Variants in ZC2HC1B observed in about 807,000 individuals in gnomAD.
ZC2HC1B encodes zinc finger C2HC domain-containing protein 1B.
In ZC2HC1B, 36 loss-of-function variants were observed where a neutral mutation model predicts 31.0. The ratio of observed to expected loss-of-function variants is 1.16; its 90% CI spans 0.89 to 1.54. The LOEUF is 1.54. ZC2HC1B is among the 40% of genes most tolerant of loss of function. The probability of loss-of-function intolerance (pLI) is 0.00; values close to 1 mark genes in which losing one functional copy is unlikely to be tolerated. For synonymous variants in ZC2HC1B, 73 were observed against 88.0 expected, an observed-to-expected ratio of 0.83 and a Z score of 0.95; for missense variants, 260 against 268.6, an observed-to-expected ratio of 0.97 and a Z score of 0.22.
rs1471167623 is a variant in ZC2HC1B at position 143,866,746 on chromosome 6, T to G, written c.28+2179T>G. On this transcript the variant is annotated intron_variant, in intron 1 of 7. Coordinates refer to ENST00000237275, the MANE Select transcript of ZC2HC1B (RefSeq NM_001013623.3). ...CATTGGTATGCTTTATCAGTCTTGT[T>G]CCAGTTAAAGGGCAGAGAAGGTAGA... Among the ~76,000 whole-genome samples the G allele has an allele frequency of 2.0e-5, 3 of 152,250 alleles. No homozygotes were observed. The East Asian group carries it at 5.8e-4, about 29-fold the overall frequency.
rs1213853929 is a variant in ZC2HC1B, at chr6:143,871,021, TA to T, written c.28+6455del. On this transcript the variant is annotated intron_variant, in intron 1 of 7. Transcript: ENST00000237275. The surrounding 1 kb of genome is among the most constrained non-coding windows in gnomAD (Gnocchi z 4.1). ...GCCTCCAAAATCCAAATAGATCCAC[TA>T]GACATTGTGCCTCTTTCTTGGTGGT... 6.6e-6 allele frequency among the ~76,000 whole-genome samples: 1 copy of T among 152,022 alleles called. No individual in the cohort carries two copies. Among genetic ancestry groups the T allele is most frequent in the Non-Finnish European group, 1.5e-5 (1 of 67,994 alleles).
At chr6:143,896,196 C>A (rs553516387) in intron 4 of ZC2HC1B, among the ~76,000 whole-genome samples, 3 of 152,124 alleles carry the variant, frequency 2.0e-5, no homozygotes, top group African/African-American at 7.2e-5. Context: ...TGTCTGTTTG[C>A]CTAATCATCT....
At chr6:143,874,680 C>G (rs182666274) in intron 1 of ZC2HC1B, among the ~76,000 whole-genome samples, 1 of 152,270 alleles carries the variant, frequency 6.6e-6, no homozygotes, top group East Asian at 1.9e-4. Context: ...CATTTACTAT[C>G]ACAAGAACAG....
intron 1 of ZC2HC1B, among the ~76,000 whole-genome samples, chr6:143,866,492 A>G (rs1186913621): frequency 6.6e-6 from 1 of 152,204 alleles, no homozygotes. Context: ...CTTTCTCACC[A>G]TCATGGAAAA....
intron 5 of ZC2HC1B, among the ~76,000 whole-genome samples, chr6:143,901,480 G>A (rs766174528): frequency 3.3e-5 from 5 of 150,716 alleles, no homozygotes; most frequent in Non-Finnish European, 5.9e-5. Flanking sequence ...GGCTGGTCTC[G>A]AACTCCTGAC....
intron 6 of ZC2HC1B, among the ~76,000 whole-genome samples, chr6:143,926,959 C>T (rs1470012046): frequency 1.5e-5 from 2 of 135,918 alleles, no homozygotes; most frequent in Non-Finnish European, 3.1e-5. Context: ...TACAGGCGCC[C>T]GGCTAATTTT....
rs542000267 is a variant in ZC2HC1B, at chr6:143,917,681, A to C, written c.598+14529A>C. 6.6e-6 allele frequency among the ~76,000 whole-genome samples: 1 copy of C among 152,324 alleles called. No homozygotes were observed. The highest frequency in any genetic ancestry group is 2.1e-4 in the South Asian group (1 of 4,832). On this transcript the variant is annotated intron_variant, in intron 6 of 7. Coordinates refer to ENST00000237275, the MANE Select transcript of ZC2HC1B (RefSeq NM_001013623.3). The surrounding 1 kb of genome is among the most constrained non-coding windows in gnomAD (Gnocchi z 4.1). ...TGAGCACTGACATGACATGCAATTG[A>C]TTTTTGGATTAGTGATGTTCAACCA... is the stretch of plus-strand genomic sequence containing the variant.
At chr6:143,932,048 T>C (rs1778127587) in intron 6 of ZC2HC1B, among the ~76,000 whole-genome samples, 2 of 151,998 alleles carry the variant, frequency 1.3e-5, no homozygotes, top group African/African-American at 4.8e-5. Flanking sequence ...TAATTTTTAG[T>C]ATTTTTAGTA....
rs1336362663 is a variant in ZC2HC1B at position 143,869,085 on chromosome 6, C to T, written c.28+4518C>T. 6.6e-6 allele frequency among the ~76,000 whole-genome samples: 1 copy of T among 152,186 alleles called. No homozygotes were observed. The highest frequency in any genetic ancestry group is 1.5e-5 in the Non-Finnish European group (1 of 68,038). On this transcript the variant is annotated intron_variant, in intron 1 of 7. Transcript: ENST00000237275. The surrounding 1 kb of genome is among the most constrained non-coding windows in gnomAD (Gnocchi z 5.2). ...TATTCCCTTTTTCTTCAGCAAGCACCTCAGCAGGTCATGGTTTTTTCCTGG... is the reference window on the plus strand; with the variant it reads ...TATTCCCTTTTTCTTCAGCAAGCACTTCAGCAGGTCATGGTTTTTTCCTGG...
intron 6 of ZC2HC1B, among the ~76,000 whole-genome samples, chr6:143,907,614 T>TGTA (rs368138617): frequency 2.6e-5 from 4 of 152,344 alleles, no homozygotes; most frequent in Admixed American, 6.5e-5. Flanking sequence ...TTTGCCTACA[T>TGTA]TTTAATGAAG....
rs1011711312 is a variant in ZC2HC1B at position 143,869,234 on chromosome 6, T to C, written c.28+4667T>C. Reference sequence around the variant, plus strand: ...ATGGTAATACTAAGAGACACCCTAATAGATCTCCTGTATTCCATGCCTACT... The same window carrying C: ...ATGGTAATACTAAGAGACACCCTAACAGATCTCCTGTATTCCATGCCTACT... On this transcript the variant is annotated intron_variant, in intron 1 of 7. Transcript: ENST00000237275. This position sits in a 1 kb window ranked among gnomAD's most constrained non-coding sequence, Gnocchi z 5.2. Among the ~76,000 whole-genome samples, 2 of 152,222 alleles carry C rather than the reference T, an allele frequency of 1.3e-5. No homozygotes were observed. Among genetic ancestry groups the C allele is most frequent in the Non-Finnish European group, 2.9e-5 (2 of 68,042 alleles).
rs1465632353 is a variant in ZC2HC1B, at chr6:143,924,761, A to G, written c.599-12888A>G. 1.3e-5 allele frequency among the ~76,000 whole-genome samples: 2 copies of G among 151,414 alleles called. No homozygotes were observed. The highest frequency in any genetic ancestry group is 4.2e-4 in the East Asian group (2 of 4,764). Reference sequence around the variant, plus strand: ...TAAAATTCCTTTTCTCTGTCTCTTGAAATGATCATATTGTTTTTGTCTTTC... The same window carrying G: ...TAAAATTCCTTTTCTCTGTCTCTTGGAATGATCATATTGTTTTTGTCTTTC... On this transcript the variant is annotated intron_variant, in intron 6 of 7. Coordinates refer to ENST00000237275, the MANE Select transcript of ZC2HC1B (RefSeq NM_001013623.3). This position sits in a 1 kb window ranked among gnomAD's most constrained non-coding sequence, Gnocchi z 5.2.
Position 143,885,891 on chromosome 6 carries a change from C to A in ZC2HC1B, c.91-141C>A. 1.1e-6 allele frequency: 1 copy of A among 897,510 alleles called. No individual in the cohort carries two copies. The highest frequency in any genetic ancestry group is 1.5e-6 in the Non-Finnish European group (1 of 658,946). The allele number at this position is 897,510 out of a possible 1,614,324, so 55.6% of individuals were successfully genotyped here. On this transcript the variant is annotated intron_variant, in intron 2 of 7. Coordinates refer to ENST00000237275, the MANE Select transcript of ZC2HC1B (RefSeq NM_001013623.3). The surrounding 1 kb of genome is among the most constrained non-coding windows in gnomAD (Gnocchi z 4.2). ...GGATGAGAAGAGCCAGATGGATTTG[C>A]TCTGCTGTGACCTGTTAGAGAATGA...
At chr6:143,876,517 C>A (rs1203578930) in intron 1 of ZC2HC1B, among the ~76,000 whole-genome samples, 1 of 150,284 alleles carries the variant, frequency 6.7e-6, no homozygotes, top group Non-Finnish European at 1.5e-5. Flanking sequence ...AACCCCAAAA[C>A]CAATGAAAGA....
intron 4 of ZC2HC1B, among the ~76,000 whole-genome samples, chr6:143,896,571 A>C (rs1172300315): frequency 2.0e-5 from 3 of 152,180 alleles, no homozygotes; most frequent in Non-Finnish European, 4.4e-5. Context: ...ACCTTGCTGA[A>C]CCTGTTTCCT....
At chr6:143,900,359 C>T (rs78156709) in intron 5 of ZC2HC1B, among the ~76,000 whole-genome samples, 1 of 144,312 alleles carries the variant, frequency 6.9e-6, no homozygotes, top group Non-Finnish European at 1.5e-5. Flanking sequence ...CATTGCACTC[C>T]AGCCTGGGCA....
At chr6:143,882,906 G>A (rs776072655) in intron 1 of ZC2HC1B, among the ~76,000 whole-genome samples, 3 of 152,078 alleles carry the variant, frequency 2.0e-5, no homozygotes, top group South Asian at 2.1e-4. Context: ...GCCTCTAAAC[G>A]TAGAATAGTC....
At chr6:143,898,501 A>G (rs1187269203) in intron 4 of ZC2HC1B, 51 bp from the exon 5 acceptor site, 30 of 1,536,118 alleles carry the variant, frequency 2.0e-5, no homozygotes, top group Admixed American at 4.0e-5. Flanking sequence ...ATAGTATTCT[A>G]TAGTTGTTTT....
At position 143,869,888 on chromosome 6, in the gene ZC2HC1B, A is replaced by C. The variant is rs539704817; in HGVS notation, c.28+5321A>C. Among the ~76,000 whole-genome samples the C allele has an allele frequency of 7.9e-4, 120 of 152,262 alleles. No homozygotes were observed. The highest frequency in any genetic ancestry group is 2.8e-3 in the African/African-American group (117 of 41,546). Reference sequence around the variant, plus strand: ...GTTCATGGGCCCATTGGGCGACAACAGGGGTGGCTGGGGAAAGAGGCTGAG... The same window carrying C: ...GTTCATGGGCCCATTGGGCGACAACCGGGGTGGCTGGGGAAAGAGGCTGAG... On this transcript the variant is annotated intron_variant, in intron 1 of 7. Transcript: ENST00000237275. The surrounding 1 kb of genome is among the most constrained non-coding windows in gnomAD (Gnocchi z 5.2).
Sources: gnomAD v4.1 joint callset for allele counts (sites outside exome capture counted in the v4.1 genomes callset) on GRCh38, gnomAD v4.1.1 for gene constraint, Gnocchi (gnomAD v3.1) non-coding constraint, MANE v1.5 for transcripts, NCBI Gene and HGNC (gene_info 2026-07-23, HGNC 2026-07-21) for gene names.